Variants in CAMK1D observed in about 807,000 individuals in gnomAD.
CAMK1D encodes the protein calcium/calmodulin-dependent protein kinase type 1D.
Under a neutral mutation model 47.7 loss-of-function variants are expected in CAMK1D, and 9 were observed. That is an observed-to-expected ratio of 0.19 (90% CI 0.11 to 0.33). CAMK1D has a LOEUF of 0.33. Ranked by LOEUF, CAMK1D falls within the 10% of genes least tolerant of loss-of-function variation. The probability of loss-of-function intolerance (pLI) is 1.00; values close to 1 mark genes in which losing one functional copy is unlikely to be tolerated. For missense variants in CAMK1D, 291 were observed against 488.7 expected (o/e 0.60, Z 3.81); for synonymous variants, 184 against 184.9 (o/e 0.99, Z 0.04).
intron 1 of CAMK1D, among the ~76,000 whole-genome samples, chr10:12,441,521 C>T (rs1311053935): frequency 1.1e-5 from 1 of 90,780 alleles, no homozygotes; most frequent in Non-Finnish European, 2.2e-5. Flanking sequence ...TAATGTGTTC[C>T]TTTTGTTAAA....
intron 3 of CAMK1D, among the ~76,000 whole-genome samples, chr10:12,757,561 C>T (rs1238855425): frequency 6.6e-6 from 1 of 152,206 alleles, no homozygotes; most frequent in Non-Finnish European, 1.5e-5. Context: ...CTTATCTCCC[C>T]AGCAGTGATT....
chr10:12,350,508 G>C (rs1463467597), intron 1 of CAMK1D, among the ~76,000 whole-genome samples: 2 of 152,224 alleles, frequency 1.3e-5, no homozygotes, highest in Non-Finnish European at 1.5e-5. Flanking sequence ...ACGCGGGCTC[G>C]GCCGCACGCG....
At chr10:12,463,907 C>T (rs1833513234) in intron 1 of CAMK1D, among the ~76,000 whole-genome samples, 1 of 152,062 alleles carries the variant, frequency 6.6e-6, no homozygotes, top group Non-Finnish European at 1.5e-5. Context: ...GTGTCTCCTG[C>T]GTTCCTTCTC....
chr10:12,734,351 TATATATATATATATATATATATATATAG>T (rs1835045118), intron 3 of CAMK1D, among the ~76,000 whole-genome samples: 1 of 5,746 alleles, frequency 1.7e-4, no homozygotes, highest in African/African-American at 3.8e-4. Flanking sequence ...AAAAAATATA[TATATATATATATATATATATATATATAG>T]ATATAGATAT....
intron 1 of CAMK1D, among the ~76,000 whole-genome samples, chr10:12,441,163 C>T (rs960084008): frequency 2.0e-5 from 3 of 152,198 alleles, no homozygotes; most frequent in Admixed American, 6.5e-5. Context: ...GACTTCATTT[C>T]TGAAGGCTCT....
Position 12,604,246 on chromosome 10 carries a change from G to A in CAMK1D, c.224+50890G>A, listed in dbSNP as rs1335441357. ...TACAGAATCATCGTTCATTGTGAAC[G>A]AATGTCATAGAACACAGGCAATGCA... On this transcript the variant is annotated intron_variant, in intron 2 of 10. Coordinates refer to ENST00000619168, the MANE Select transcript of CAMK1D (RefSeq NM_153498.4). 1.3e-5 allele frequency among the ~76,000 whole-genome samples: 2 copies of A among 152,162 alleles called. 1 individual carries two copies. Among genetic ancestry groups the A allele is most frequent in the Admixed American group, 1.3e-4 (2 of 15,266 alleles).
At chr10:12,564,478 G>A (rs934674489) in intron 2 of CAMK1D, among the ~76,000 whole-genome samples, 4 of 152,174 alleles carry the variant, frequency 2.6e-5, no homozygotes, top group African/African-American at 9.7e-5. Context: ...TCACATGTGT[G>A]AAGTCCAGGG....
At chr10:12,573,332 G>A (rs1361258274) in intron 2 of CAMK1D, among the ~76,000 whole-genome samples, 4 of 152,024 alleles carry the variant, frequency 2.6e-5, no homozygotes, top group South Asian at 2.1e-4. Flanking sequence ...TGATGGAGAC[G>A]ATGATGGAGA....
At chr10:12,755,687 C>T (rs903754910) in intron 3 of CAMK1D, among the ~76,000 whole-genome samples, 9 of 152,034 alleles carry the variant, frequency 5.9e-5, no homozygotes, top group Non-Finnish European at 7.4e-5. Flanking sequence ...TTTTAATGAT[C>T]GCCATTCTAA....
At chr10:12,692,892 T>C (rs1202653895) in intron 3 of CAMK1D, among the ~76,000 whole-genome samples, 1 of 152,170 alleles carries the variant, frequency 6.6e-6, no homozygotes, top group African/African-American at 2.4e-5. Context: ...GGGATCCTGT[T>C]TGAAGGAGCT....
chr10:12,405,612 C>T (rs1839393314), intron 1 of CAMK1D, among the ~76,000 whole-genome samples: 1 of 152,192 alleles, frequency 6.6e-6, no homozygotes, highest in African/African-American at 2.4e-5. Context: ...TAAGTGAAAC[C>T]AGTGAAACGT....
chr10:12,366,997 T>C (rs1367496914), intron 1 of CAMK1D, among the ~76,000 whole-genome samples: 1 of 152,090 alleles, frequency 6.6e-6, no homozygotes, highest in Non-Finnish European at 1.5e-5. Context: ...ATTCTCATGG[T>C]CCCCATCTCT....
chr10:12,691,088 C>G (rs1012080724), intron 3 of CAMK1D, among the ~76,000 whole-genome samples: 4 of 152,046 alleles, frequency 2.6e-5, no homozygotes, highest in Admixed American at 6.6e-5. Context: ...CGTGGCTGAA[C>G]CATGAATCCC....
rs11257822 is a variant in CAMK1D, at chr10:12,486,527, G to A, written c.93-66698G>A. Among the ~76,000 whole-genome samples, 1,716 of 85,464 alleles carry A rather than the reference G, an allele frequency of 0.02. 167 individuals are homozygous for A. The East Asian group carries it at 0.39, about 19-fold the overall frequency. 56.1% of individuals were successfully genotyped at this position (85,464 alleles called of 152,430 possible). A position where few individuals can be genotyped will look rare whatever the true frequency, so the allele number is the denominator to read the frequency against. On this transcript the variant is annotated intron_variant, in intron 1 of 10. Coordinates refer to ENST00000619168, the MANE Select transcript of CAMK1D (RefSeq NM_153498.4). Reference sequence around the variant, plus strand: ...CATGTACCCACGTGTGCATGTGTGCGCGTGCACACACACACACACACACAC... The same window carrying A: ...CATGTACCCACGTGTGCATGTGTGCACGTGCACACACACACACACACACAC...
At chr10:12,668,107 C>T (rs775085514) in intron 3 of CAMK1D, among the ~76,000 whole-genome samples, 4 of 152,254 alleles carry the variant, frequency 2.6e-5, no homozygotes, top group African/African-American at 7.2e-5. Context: ...CTTCTGTTTG[C>T]GTTACACTTT....
At chr10:12,381,918 G>A (rs1008434392) in intron 1 of CAMK1D, among the ~76,000 whole-genome samples, 5 of 151,764 alleles carry the variant, frequency 3.3e-5, no homozygotes, top group South Asian at 2.1e-4. Flanking sequence ...AGAGTAAAAC[G>A]TTTTAAAAGA....
At chr10:12,555,648 G>A (rs1317401401) in intron 2 of CAMK1D, among the ~76,000 whole-genome samples, 4 of 152,230 alleles carry the variant, frequency 2.6e-5, no homozygotes, top group Non-Finnish European at 5.9e-5. Flanking sequence ...ATTTGCTGGT[G>A]ACATTAAGTT....
At chr10:12,660,717 C>T (rs1230129449) in intron 2 of CAMK1D, among the ~76,000 whole-genome samples, 1 of 152,206 alleles carries the variant, frequency 6.6e-6, no homozygotes, top group African/African-American at 2.4e-5. Context: ...GATGTGTCAG[C>T]TCATGCTTAC....
At chr10:12,529,278 TACTC>T (rs1329750501) in intron 1 of CAMK1D, among the ~76,000 whole-genome samples, 1 of 152,126 alleles carries the variant, frequency 6.6e-6, no homozygotes, top group Non-Finnish European at 1.5e-5. Flanking sequence ...AGGGAACAAA[TACTC>T]AAGAGAGGGT....
Sources: gnomAD v4.1 joint callset for allele counts (sites outside exome capture counted in the v4.1 genomes callset) on GRCh38, gnomAD v4.1.1 for gene constraint, MANE v1.5 for transcripts, NCBI Gene and HGNC (gene_info 2026-07-23, HGNC 2026-07-21) for gene names.